CCDC88B: variants seen among roughly 807,000 people sequenced by gnomAD.
CCDC88B encodes the protein coiled-coil domain-containing protein 88B.
In CCDC88B, 138 loss-of-function variants were observed where a neutral mutation model predicts 183.7. The ratio of observed to expected loss-of-function variants is 0.75; its 90% CI spans 0.65 to 0.87. CCDC88B has a LOEUF of 0.87. Ranked by LOEUF, CCDC88B falls within the 40% of genes least tolerant of loss-of-function variation. The probability of loss-of-function intolerance (pLI) is 0.00; values close to 1 mark genes in which losing one functional copy is unlikely to be tolerated. For synonymous variants in CCDC88B, 835 were observed against 867.5 expected (o/e 0.96, Z 0.66); for missense variants, 1,822 against 1,965.6 (o/e 0.93, Z 1.38).
At position 64,353,102 on chromosome 11, in the gene CCDC88B, G is replaced by T; in HGVS notation, c.3549G>T (p.Gln1183His). ...AELSRERGEL[Q>H]GERGELRGRL... ...TGTCTCGGGAGCGGGGTGAGCTGCA[G>T]GGTGAACGCGGGGAGCTACGGGGCC... Residue 1183 changes from glutamine to histidine, a missense_variant, in exon 21 of 27, where the codon CAG (glutamine) becomes CAT (histidine). Transcript: ENST00000356786. The T allele has an allele frequency of 1.2e-6, 2 of 1,607,232 alleles. No individual in the cohort carries two copies. Among genetic ancestry groups the T allele is most frequent in the East Asian group, 2.2e-5 (1 of 44,674 alleles).
intron 26 of CCDC88B, 72 bp downstream of exon 26, chr11:64,355,700 C>A: frequency 7.4e-7 from 1 of 1,358,782 alleles, no homozygotes. Context: ...CTCATTCATC[C>A]ATTCTTTCAT....
rs377240163 is a variant in CCDC88B, at chr11:64,344,607, C to T, written c.2066C>T (p.Thr689Met). 1.4e-5 allele frequency: 22 copies of T among 1,611,528 alleles called. No individual in the cohort carries two copies. The highest frequency in any genetic ancestry group is 1.0e-4 in the Admixed American group (6 of 59,480). The change falls in exon 14 of 27, where the codon ACG (threonine) becomes ATG (methionine). Residue 689 changes from threonine to methionine, a missense_variant. By Grantham distance (81) the Thr-to-Met change is moderately conservative. Coordinates refer to ENST00000356786, the MANE Select transcript of CCDC88B (RefSeq NM_032251.6). This position sits in a 1 kb window ranked among gnomAD's most constrained non-coding sequence, Gnocchi z 4.5. The stretch of plus-strand genomic sequence containing the variant: ...GAGCATGACCAGAGGCTGGAAGGGA[C>T]GGTCAGGGACCCAGCCTGGCAAAAA... ...AREHDQRLEG[T>M]VRDPAWQKPQ... is the part of the protein sequence containing the mutation.
intron 16 of CCDC88B, chr11:64,350,481 A>G (rs971935885): frequency 5.9e-5 from 9 of 152,072 alleles, no homozygotes; most frequent in African/African-American, 2.2e-4. Flanking sequence ...ATCCTGATGA[A>G]CACCGTGAAA....
Position 64,340,966 on chromosome 11 carries a change from G to A in CCDC88B, c.266G>A (p.Trp89Ter). Residue 89 changes from tryptophan (W) to a stop codon, truncating the protein, a stop_gained, in exon 3 of 27, where the codon TGG becomes TAG. Transcript: ENST00000356786. LOFTEE classifies it high-confidence loss of function. ...AGAGGCCTTGACGGACCTGCTGCCT[G>A]GCGAGTGTGGAACCTGAACCACCTG... is the stretch of plus-strand genomic sequence containing the variant. ...MLRGLDGPAA[W>*]RVWNLNHLWG... The A allele has an allele frequency of 1.9e-6, 3 of 1,603,030 alleles. No homozygotes were observed. The highest frequency in any genetic ancestry group is 2.6e-6 in the Non-Finnish European group (3 of 1,173,806).
rs755157344 is a variant in CCDC88B at position 64,342,362 on chromosome 11, G to A, written c.890G>A (p.Arg297Lys). 11 of 1,585,856 alleles carry A rather than the reference G, an allele frequency of 6.9e-6. No homozygotes were observed. In the South Asian group the frequency reaches 1.1e-4, roughly 17 times the overall value. The change falls in exon 9 of 27, where the codon AGG (arginine) becomes AAG (lysine). Residue 297 changes from arginine (R) to lysine (K), a missense_variant. Coordinates refer to ENST00000356786, the MANE Select transcript of CCDC88B (RefSeq NM_032251.6). Reference protein sequence around the residue: ...EVQGLEAEIRRLRQEAQALSG... With the variant: ...EVQGLEAEIRKLRQEAQALSG... ...CAGGGTTTGGAGGCCGAAATAAGAA[G>A]GCTCCGCCAGGAGGTGCGCTCACAT...
At position 64,344,537 on chromosome 11, in the gene CCDC88B, C is replaced by T. The variant is rs1690569078; in HGVS notation, c.1996C>T (p.Pro666Ser). The change falls in exon 14 of 27, where the codon CCA becomes TCA. Residue 666 changes from proline (P) to serine (S), a missense_variant. By Grantham distance (74) the Pro-to-Ser change is moderately conservative (BLOSUM62 -1). Transcript: ENST00000356786. The surrounding 1 kb of genome is among the most constrained non-coding windows in gnomAD (Gnocchi z 4.5). ...TGTGCAGCTGGAGGAGCAGGAGGGC[C>T]CAAACCAGGGCCTGGACCTGGCCAC... ...SSVQLEEQEG[P>S]NQGLDLATGQ... is the part of the protein sequence containing the mutation. The T allele has an allele frequency of 1.9e-6, 3 of 1,604,956 alleles. No homozygotes were observed. The highest frequency in any genetic ancestry group is 2.6e-6 in the Non-Finnish European group (3 of 1,175,658).
intron 14 of CCDC88B, among the ~76,000 whole-genome samples, chr11:64,346,738 C>T (rs1186216723): frequency 1.3e-5 from 2 of 151,554 alleles, no homozygotes; most frequent in Non-Finnish European, 2.9e-5. Context: ...CCGCGCCCGG[C>T]CAATTTTTGT....
rs566603246 is a variant in CCDC88B at position 64,344,662 on chromosome 11, G to C, written c.2121G>C (p.Glu707Asp). 1 of 1,614,078 alleles carries C rather than the reference G, an allele frequency of 6.2e-7. No individual in the cohort carries two copies. The highest frequency in any genetic ancestry group is 1.7e-5 in the Admixed American group (1 of 60,024). ...KPQQKSEGALEVQVWEGPIPG... is the reference protein window; with the variant it reads ...KPQQKSEGALDVQVWEGPIPG... ...AGCAGAAGTCAGAAGGGGCTCTTGA[G>C]GTCCAGGTCTGGGAAGGCCCAATCC... Residue 707 changes from glutamate (E) to aspartate (D), a missense_variant, in exon 14 of 27, where the codon GAG becomes GAC. Physicochemically the swap from Glu to Asp is conservative, Grantham distance 45 (BLOSUM62 2). Coordinates refer to ENST00000356786, the MANE Select transcript of CCDC88B (RefSeq NM_032251.6). The surrounding 1 kb of genome is among the most constrained non-coding windows in gnomAD (Gnocchi z 4.5).
Position 64,345,033 on chromosome 11 carries a change from A to G in CCDC88B, c.2492A>G (p.Glu831Gly). 1 of 1,548,538 alleles carries G rather than the reference A, an allele frequency of 6.5e-7. No individual in the cohort carries two copies. The highest frequency in any genetic ancestry group is 8.7e-7 in the Non-Finnish European group (1 of 1,149,094). ...AGRERRQWER[E>G]GSRLRAQSEA... ...CGGGAGCGGAGGCAGTGGGAGCGTG[A>G]GGGGTCCAGGCTGCGGGCCCAGTCG... Residue 831 changes from glutamate (E) to glycine (G), a missense_variant, in exon 14 of 27, where the codon GAG (glutamate) becomes GGG (glycine). Coordinates refer to ENST00000356786, the MANE Select transcript of CCDC88B (RefSeq NM_032251.6).
chr11:64,343,263 C>A lies in CCDC88B; in HGVS notation c.1147C>A (p.Arg383=). 2 of 1,549,188 alleles carry A rather than the reference C, an allele frequency of 1.3e-6. No individual in the cohort carries two copies. The highest frequency in any genetic ancestry group is 2.4e-5 in the East Asian group (1 of 40,984). The part of the protein sequence containing the change: ...QLEAARERCA[R]LHETQRENLL... ...GGAGGCTGCCCGAGAGCGCTGCGCC[C>A]GGCTGCACGAGACCCAGCGCGAGAA... Residue 383 remains arginine, a synonymous_variant, in exon 11 of 27, where the codon CGG becomes AGG. Coordinates refer to ENST00000356786, the MANE Select transcript of CCDC88B (RefSeq NM_032251.6).
chr11:64,351,176 C>T lies in CCDC88B; in HGVS notation c.2879C>T (p.Ala960Val), dbSNP rs74794644. The change falls in exon 17 of 27, where the codon GCG (alanine) becomes GTG (valine). Residue 960 changes from alanine (A) to valine (V), a missense_variant. Coordinates refer to ENST00000356786, the MANE Select transcript of CCDC88B (RefSeq NM_032251.6). ...EELFQLRQGPAGLGPKKRAEP... is the reference protein window; with the variant it reads ...EELFQLRQGPVGLGPKKRAEP... ...TCCTTGCAGCTGCGCCAGGGCCCCGCGGGGCTGGGGCCCAAAAAGCGTGCG... is the reference window on the plus strand; with the variant it reads ...TCCTTGCAGCTGCGCCAGGGCCCCGTGGGGCTGGGGCCCAAAAAGCGTGCG... 7.0e-4 allele frequency: 1,042 copies of T among 1,491,278 alleles called. 6 individuals are homozygous for T. In the African/African-American group the frequency reaches 0.011, roughly 16 times the overall value. The allele number at this position is 1,491,278 out of a possible 1,614,324, so 92.4% of individuals were successfully genotyped here. A position where few individuals can be genotyped will look rare whatever the true frequency, so the allele number is the denominator to read the frequency against.
rs752706848 is a variant in CCDC88B at position 64,353,104 on chromosome 11, G to A, written c.3551G>A (p.Gly1184Asp). 11 of 1,607,340 alleles carry A rather than the reference G, an allele frequency of 6.8e-6. No individual in the cohort carries two copies. The South Asian group carries it at 1.1e-4, about 16-fold the overall frequency. ...ELSRERGELQ[G>D]ERGELRGRLA... ...TCTCGGGAGCGGGGTGAGCTGCAGG[G>A]TGAACGCGGGGAGCTACGGGGCCGG... Residue 1184 changes from glycine to aspartate, a missense_variant, in exon 21 of 27, where the codon GGT becomes GAT. Physicochemically the swap from Gly to Asp is moderately conservative, Grantham distance 94. Transcript: ENST00000356786.
Position 64,348,652 on chromosome 11 carries a change from AGGCAGGATTTG to A in CCDC88B, c.2617-677_2617-667del, listed in dbSNP as rs562114431. Among the ~76,000 whole-genome samples the A allele has an allele frequency of 7.7e-4, 117 of 152,310 alleles. 2 individuals are homozygous for A. In the East Asian group the frequency reaches 0.02, roughly 26 times the overall value. On this transcript the variant is annotated intron_variant, in intron 14 of 26. Coordinates refer to ENST00000356786, the MANE Select transcript of CCDC88B (RefSeq NM_032251.6). ...GCAAGGCTTGTAGGCTTGGTTTCCAAGGCAGGATTTGGCTGGCAGCTGGTCATGGGCAGCTG... is the reference window on the plus strand; with the variant it reads ...GCAAGGCTTGTAGGCTTGGTTTCCAAGCTGGCAGCTGGTCATGGGCAGCTG...
Position 64,354,054 on chromosome 11 carries a change from G to C in CCDC88B, c.3983G>C (p.Arg1328Pro). The stretch of plus-strand genomic sequence containing the variant: ...GTGAAGAGGCTGATGCGGCCCCGGC[G>C]GGAGGGGGGCCCCCCTGGGGGGCTG... ...DKVKRLMRPR[R>P]EGGPPGGLRL... The change falls in exon 24 of 27, where the codon CGG becomes CCG. Residue 1328 changes from arginine (R) to proline (P), a missense_variant. By Grantham distance (103) the Arg-to-Pro change is moderately radical (BLOSUM62 -2). Transcript: ENST00000356786. 1 of 1,448,372 alleles carries C rather than the reference G, an allele frequency of 6.9e-7. No homozygotes were observed. Among genetic ancestry groups the C allele is most frequent in the Non-Finnish European group, 9.1e-7 (1 of 1,094,760 alleles). The allele number at this position is 1,448,372 out of a possible 1,614,324, so 89.7% of individuals were successfully genotyped here.
chr11:64,343,775 C>T lies in CCDC88B; in HGVS notation c.1319-3C>T, dbSNP rs1359088653. On this transcript the variant is annotated splice_region_variant and splice_polypyrimidine_tract_variant and intron_variant, in intron 12 of 26. Transcript: ENST00000356786. ...GGGTCCTGACCTCATCTCTCATCCTCAGCACCCCTAGCAGGAGCGGCCCCC... is the reference window on the plus strand; with the variant it reads ...GGGTCCTGACCTCATCTCTCATCCTTAGCACCCCTAGCAGGAGCGGCCCCC... 1 of 1,565,184 alleles carries T rather than the reference C, an allele frequency of 6.4e-7. No individual in the cohort carries two copies. The highest frequency in any genetic ancestry group is 8.7e-7 in the Non-Finnish European group (1 of 1,154,134).
chr11:64,355,744 G>T, intron 26 of CCDC88B, 116 bp downstream of exon 26: 1 of 997,124 alleles, frequency 1.0e-6, no homozygotes, highest in South Asian at 1.7e-5. Context: ...GCCAGGTGAC[G>T]TGCTGGCAGG....
At chr11:64,342,796 G>A in intron 10 of CCDC88B, 116 bp downstream of exon 10, 1 of 1,252,848 alleles carries the variant, frequency 8.0e-7, no homozygotes, top group Non-Finnish European at 1.1e-6. Context: ...ACAGTCACAG[G>A]TGGAGAAATG....
At position 64,340,271 on chromosome 11, in the gene CCDC88B, A is replaced by AG; in HGVS notation, c.11dup (p.Lys5GlnfsTer80). 1 of 1,264,470 alleles carries AG rather than the reference A, an allele frequency of 7.9e-7. No individual in the cohort carries two copies. The highest frequency in any genetic ancestry group is 1.0e-6 in the Non-Finnish European group (1 of 995,732). The allele number at this position is 1,264,470 out of a possible 1,614,324, so 78.3% of individuals were successfully genotyped here. A position where few individuals can be genotyped will look rare whatever the true frequency, so the allele number is the denominator to read the frequency against. On this transcript the variant is annotated frameshift_variant, in exon 1 of 27. Transcript: ENST00000356786. LOFTEE classifies it high-confidence loss of function. The stretch of plus-strand genomic sequence containing the variant: ...GACGGGCACCCCGACCCGGGCATGG[A>AG]GGGGGGCAAGGGGCCCAGGCTCAGA...
chr11:64,348,095 C>G (rs1285621433), intron 14 of CCDC88B, among the ~76,000 whole-genome samples: 1 of 150,044 alleles, frequency 6.7e-6, no homozygotes, highest in Non-Finnish European at 1.5e-5. Flanking sequence ...CTCACAGGAT[C>G]CTGTAAGATA....
Sources: allele counts gnomAD v4.1 joint callset (sites outside exome capture counted in the v4.1 genomes callset), GRCh38; gene constraint gnomAD v4.1.1; non-coding constraint Gnocchi (gnomAD v3.1); transcripts MANE v1.5; gene names NCBI Gene and HGNC (gene_info 2026-07-23, HGNC 2026-07-21).